Variants in ESR2 observed in about 807,000 individuals in gnomAD.
ESR2 encodes the protein estrogen receptor beta.
In ESR2, 36 loss-of-function variants were observed where a neutral mutation model predicts 49.6. That is an observed-to-expected ratio of 0.73 (90% CI 0.56 to 0.96). ESR2 has a LOEUF of 0.96. Ranked by LOEUF, ESR2 falls within the 40% of genes least tolerant of loss-of-function variation. ESR2 has a pLI of 0.00. For missense variants in ESR2, 714 were observed against 693.0 expected (o/e 1.03, Z -0.34); for synonymous variants, 320 against 266.1 (o/e 1.20, Z -1.97).
intron 1 of ESR2, among the ~76,000 whole-genome samples, chr14:64,323,860 T>C (rs369316634): frequency 6.6e-6 from 1 of 152,054 alleles, no homozygotes; most frequent in Non-Finnish European, 1.5e-5. Context: ...CCTGGCTAAT[T>C]TTTGTGTTTT....
chr14:64,246,414 C>CT (rs1435311145), intron 7 of ESR2, among the ~76,000 whole-genome samples: 1 of 152,048 alleles, frequency 6.6e-6, no homozygotes, highest in East Asian at 1.9e-4. Context: ...ATCTTGCTTC[C>CT]TCTTCACTTT....
chr14:64,312,968 G>A (rs2077202278), intron 1 of ESR2, among the ~76,000 whole-genome samples: 2 of 151,962 alleles, frequency 1.3e-5, no homozygotes, highest in African/African-American at 4.8e-5. Context: ...TAGCAGAGGG[G>A]ATTTAAAAGA....
At chr14:64,284,569 G>A (rs573905446) in intron 1 of ESR2, among the ~76,000 whole-genome samples, 1 of 152,102 alleles carries the variant, frequency 6.6e-6, no homozygotes. Flanking sequence ...TGATCTGCCT[G>A]TTTCGGCCTC....
intron 1 of ESR2, among the ~76,000 whole-genome samples, chr14:64,291,098 T>C (rs918860949): frequency 6.6e-6 from 1 of 152,142 alleles, no homozygotes; most frequent in Non-Finnish European, 1.5e-5. Flanking sequence ...AAATATTCAT[T>C]TGGGACAGGG....
intron 1 of ESR2, among the ~76,000 whole-genome samples, chr14:64,305,238 C>A (rs1261351147): frequency 1.4e-5 from 2 of 147,514 alleles, no homozygotes; most frequent in East Asian, 4.0e-4. Flanking sequence ...TTGCACTGAG[C>A]CGAGATCGTG....
At chr14:64,332,294 A>G (rs2077469583) in intron 1 of ESR2, 1 of 152,154 alleles carries the variant, frequency 6.6e-6, no homozygotes, top group Non-Finnish European at 1.5e-5. Context: ...TCAGGCTCCT[A>G]TGTTTTCCTT....
At chr14:64,325,211 G>A (rs2077373988) in intron 1 of ESR2, among the ~76,000 whole-genome samples, 1 of 152,136 alleles carries the variant, frequency 6.6e-6, no homozygotes, top group South Asian at 2.1e-4. Context: ...ACAAAAGAAT[G>A]TAATACCTTC....
At chr14:64,238,908 A>G (rs1441330879) in intron 7 of ESR2, among the ~76,000 whole-genome samples, 1 of 152,132 alleles carries the variant, frequency 6.6e-6, no homozygotes, top group Non-Finnish European at 1.5e-5. Flanking sequence ...TGACATTCTG[A>G]GCAGCACAGT....
chr14:64,329,769 T>C (rs952375373), intron 1 of ESR2: 1 of 152,238 alleles, frequency 6.6e-6, no homozygotes, highest in Non-Finnish European at 1.5e-5. Context: ...ATTCTAAGGC[T>C]AATTTAAAGT....
In ESR2 at chr14:64,282,750, A is replaced by G. The variant is rs61760171; in HGVS notation, c.236T>C (p.Leu79Ser). ...PGRQTTSPNV[L>S]WPTPGHLSPL... ...AGAAAGGTGCCCAGGTGTTGGCCAC[A>G]ACACATTTGGGCTTGTGGTCTGCCG... Residue 79 changes from leucine to serine, a missense_variant, in exon 2 of 9, where the codon TTG (leucine) becomes TCG (serine). By Grantham distance (145) the Leu-to-Ser change is moderately radical. Transcript: ENST00000341099. 39 of 1,614,114 alleles carry G rather than the reference A, an allele frequency of 2.4e-5. No homozygotes were observed. The highest frequency in any genetic ancestry group is 1.9e-5 in the Non-Finnish European group (23 of 1,180,042).
chr14:64,335,047 C>T (rs2077511404), intron 1 of ESR2, among the ~76,000 whole-genome samples: 1 of 152,238 alleles, frequency 6.6e-6, no homozygotes, highest in Middle Eastern at 3.4e-3. Context: ...GTAATATATA[C>T]CTAGCACTGG....
At chr14:64,334,502 G>A (rs1399044451) in intron 1 of ESR2, among the ~76,000 whole-genome samples, 1 of 152,114 alleles carries the variant, frequency 6.6e-6, no homozygotes, top group Non-Finnish European at 1.5e-5. Context: ...ATCGAAGAGA[G>A]AGAACAAAAA....
At chr14:64,324,156 G>A (rs894539999) in intron 1 of ESR2, among the ~76,000 whole-genome samples, 2 of 152,102 alleles carry the variant, frequency 1.3e-5, no homozygotes, top group South Asian at 2.1e-4. Context: ...TTATAGTCTC[G>A]AACAACATTG....
At chr14:64,328,793 A>T (rs11629158) in intron 1 of ESR2, among the ~76,000 whole-genome samples, 7,084 of 152,260 alleles carry the variant, frequency 0.047, 526 homozygotes, top group East Asian at 0.37. Context: ...GGGACAAGAA[A>T]TATTTAGCAA....
At chr14:64,253,604 G>GTGTGTA (rs375688515) in intron 6 of ESR2, among the ~76,000 whole-genome samples, 2,507 of 142,726 alleles carry the variant, frequency 0.018, 46 homozygotes, top group African/African-American at 0.044. Context: ...GTGTGTGTGT[G>GTGTGTA]TATGTATGTG....
chr14:64,282,247 A>C (rs2076687009), intron 2 of ESR2, among the ~76,000 whole-genome samples: 1 of 152,204 alleles, frequency 6.6e-6, no homozygotes, highest in African/African-American at 2.4e-5. Flanking sequence ...CGGGAGACTA[A>C]GGCACGAGAA....
At chr14:64,238,839 T>C (rs1010813263) in intron 7 of ESR2, among the ~76,000 whole-genome samples, 9 of 151,422 alleles carry the variant, frequency 5.9e-5, no homozygotes, top group African/African-American at 1.9e-4. Context: ...AAGGACACAA[T>C]CTTCTCTCCC....
chr14:64,335,874 G>C (rs947330205), intron 1 of ESR2: 1 of 139,522 alleles, frequency 7.2e-6, no homozygotes, highest in African/African-American at 2.7e-5. Context: ...GCGTGATCTC[G>C]GCTTACTGCA....
At chr14:64,239,323 CCACTCCATGGG>C (rs1476620939) in intron 7 of ESR2, among the ~76,000 whole-genome samples, 1 of 152,156 alleles carries the variant, frequency 6.6e-6, no homozygotes, top group Non-Finnish European at 1.5e-5. Flanking sequence ...CTCCACCCAC[CCACTCCATGGG>C]AACTCTCCCT....
Sources: gnomAD v4.1 joint callset for allele counts (sites outside exome capture counted in the v4.1 genomes callset) on GRCh38, gnomAD v4.1.1 for gene constraint, MANE v1.5 for transcripts, NCBI Gene and HGNC (gene_info 2026-07-23, HGNC 2026-07-21) for gene names.